The following GLG1 variants were observed in gnomAD, a reference collection of about 807,000 sequenced individuals.
GLG1 encodes the protein Golgi apparatus protein 1.
In GLG1, 38 loss-of-function variants were observed where a neutral mutation model predicts 160.5. That is an observed-to-expected ratio of 0.24 (90% CI 0.18 to 0.31). The LOEUF (loss-of-function observed/expected upper bound fraction) is 0.31. GLG1 is among the 10% of genes least tolerant of loss of function. The pLI, the probability that GLG1 is intolerant of heterozygous loss-of-function variation, is 1.00. For synonymous variants in GLG1, 644 were observed against 543.4 expected, an observed-to-expected ratio of 1.19 and a Z score of -2.57; for missense variants, 1,373 against 1,505.2, an observed-to-expected ratio of 0.91 and a Z score of 1.45.
At chr16:74,466,573 T>C (rs1295791565) in intron 18 of GLG1, among the ~76,000 whole-genome samples, 1 of 151,986 alleles carries the variant, frequency 6.6e-6, no homozygotes, top group African/African-American at 2.4e-5. Context: ...AGATGATAAA[T>C]AAAATGAACC....
chr16:74,449,522 G>A lies in GLG1; in HGVS notation c.*3645C>T, dbSNP rs1379945319. The A allele has an allele frequency of 2.6e-5, 4 of 152,210 alleles. No individual in the cohort carries two copies. Among genetic ancestry groups the A allele is most frequent in the African/African-American group, 9.6e-5 (4 of 41,462 alleles). 9.4% of individuals were successfully genotyped at this position (152,210 alleles called of 1,614,324 possible). ...TTCTGTTAGTTGATCTCAGGAAACA[G>A]AAACAAATGAAATCTGACAGTAACT... On this transcript the variant is annotated 3_prime_UTR_variant, in exon 26 of 26. Transcript: ENST00000422840.
chr16:74,502,270 A>G (rs1250916562), intron 4 of GLG1, among the ~76,000 whole-genome samples: 1 of 152,180 alleles, frequency 6.6e-6, no homozygotes, highest in Non-Finnish European at 1.5e-5. Flanking sequence ...TGCTGAGCAA[A>G]CAAATTCAGA....
chr16:74,542,570 G>A (rs995986002), intron 1 of GLG1, among the ~76,000 whole-genome samples: 1 of 151,028 alleles, frequency 6.6e-6, no homozygotes, highest in Admixed American at 6.6e-5. Flanking sequence ...ACTTTGGGAG[G>A]CTGAGGCAGG....
intron 17 of GLG1, 143 bp from the exon 18 acceptor site, chr16:74,467,991 G>T: frequency 1.7e-6 from 1 of 582,732 alleles, no homozygotes; most frequent in Non-Finnish European, 3.0e-6. Context: ...AGAGAATCAG[G>T]CTTTACTTTC....
chr16:74,524,741 A>G (rs2017284064), intron 2 of GLG1, among the ~76,000 whole-genome samples: 1 of 152,224 alleles, frequency 6.6e-6, no homozygotes, highest in Non-Finnish European at 1.5e-5. Flanking sequence ...CTGTTGAGAT[A>G]GAATTTACAT....
chr16:74,575,189 T>C (rs1278365396), intron 1 of GLG1, among the ~76,000 whole-genome samples: 2 of 151,676 alleles, frequency 1.3e-5, no homozygotes, highest in Non-Finnish European at 2.9e-5. Context: ...GAGGCTGTAG[T>C]GAGCTGAGAT....
chr16:74,460,006 C>T (rs1207603077), intron 22 of GLG1, among the ~76,000 whole-genome samples: 1 of 150,170 alleles, frequency 6.7e-6, no homozygotes, highest in African/African-American at 2.5e-5. Context: ...CAGGCGCGTG[C>T]TACCATGCCT....
intron 1 of GLG1, among the ~76,000 whole-genome samples, chr16:74,585,165 T>C (rs980544645): frequency 3.3e-5 from 5 of 152,180 alleles, no homozygotes; most frequent in Middle Eastern, 3.4e-3. Flanking sequence ...CCCAGCACTG[T>C]GGAAGGCCAA....
At chr16:74,529,284 T>C (rs1168910530) in intron 2 of GLG1, among the ~76,000 whole-genome samples, 1 of 152,156 alleles carries the variant, frequency 6.6e-6, no homozygotes, top group South Asian at 2.1e-4. Flanking sequence ...TCTGTTTTTA[T>C]GTCCACTAAA....
At chr16:74,459,409 C>T (rs971905135) in intron 23 of GLG1, among the ~76,000 whole-genome samples, 3 of 152,096 alleles carry the variant, frequency 2.0e-5, no homozygotes, top group Non-Finnish European at 2.9e-5. Flanking sequence ...ACCCGGGAGG[C>T]AGAGGTTGCA....
At position 74,461,896 on chromosome 16, in the gene GLG1, G is replaced by A. The variant is rs1597222805; in HGVS notation, c.3036+198C>T. 37 of 512,334 alleles carry A rather than the reference G, an allele frequency of 7.2e-5. No homozygotes were observed. The East Asian group carries it at 1.1e-3, about 15-fold the overall frequency. The allele number at this position is 512,334 out of a possible 1,614,324, so 31.7% of individuals were successfully genotyped here. Reference sequence around the variant, plus strand: ...GTTCAACAGAGAAATATGGAACAACGCTTTAGAGTGTCAGGACTAATGCCA... The same window carrying A: ...GTTCAACAGAGAAATATGGAACAACACTTTAGAGTGTCAGGACTAATGCCA... On this transcript the variant is annotated intron_variant, in intron 22 of 25. Coordinates refer to ENST00000422840, the MANE Select transcript of GLG1 (RefSeq NM_001145667.2).
chr16:74,467,712 C>T (rs2015049558), intron 18 of GLG1, 44 bp downstream of exon 18: 1 of 1,210,330 alleles, frequency 8.3e-7, no homozygotes, highest in Non-Finnish European at 1.2e-6. Context: ...TAAATATTAC[C>T]TTCACATTAC....
intron 3 of GLG1, among the ~76,000 whole-genome samples, chr16:74,506,929 C>A (rs2016633976): frequency 6.6e-6 from 1 of 152,086 alleles, no homozygotes; most frequent in African/African-American, 2.4e-5. Context: ...GTACCATGAG[C>A]AAAATGCTGC....
intron 16 of GLG1, chr16:74,469,320 A>C: frequency 1.9e-6 from 1 of 521,184 alleles, no homozygotes; most frequent in Non-Finnish European, 3.5e-6. Flanking sequence ...ACATGTGTGC[A>C]ACGACAGTTC....
intron 2 of GLG1, among the ~76,000 whole-genome samples, chr16:74,525,500 T>G (rs1373005584): frequency 2.0e-5 from 3 of 151,758 alleles, no homozygotes; most frequent in African/African-American, 4.8e-5. Context: ...CTCCGTATGT[T>G]GCCCAGGTTG....
At chr16:74,573,753 G>A (rs2018905799) in intron 1 of GLG1, among the ~76,000 whole-genome samples, 2 of 150,922 alleles carry the variant, frequency 1.3e-5, no homozygotes, top group South Asian at 4.2e-4. Flanking sequence ...CTCCCAAAGA[G>A]CTGGGATTAC....
At chr16:74,488,071 T>G (rs1458626721) in intron 8 of GLG1, among the ~76,000 whole-genome samples, 2 of 152,140 alleles carry the variant, frequency 1.3e-5, no homozygotes, top group Non-Finnish European at 2.9e-5. Context: ...AGTTCATGAT[T>G]ATGGTGCATT....
rs2014352247 is a variant in GLG1 at position 74,452,468 on chromosome 16, A to G, written c.*699T>C. 9.3e-7 allele frequency: 1 copy of G among 1,077,282 alleles called. No individual in the cohort carries two copies. Among genetic ancestry groups the G allele is most frequent in the Admixed American group, 4.4e-5 (1 of 22,780 alleles). 66.7% of individuals were successfully genotyped at this position (1,077,282 alleles called of 1,614,324 possible). On this transcript the variant is annotated 3_prime_UTR_variant, in exon 26 of 26. Transcript: ENST00000422840. ...GCTCATGCTTTGCTTCAATGAAGCG[A>G]GGAGACCACAGAAATACCCATGGCT...
intron 15 of GLG1, 62 bp downstream of exon 15, chr16:74,471,111 G>A (rs1045002991): frequency 5.5e-6 from 5 of 912,356 alleles, no homozygotes; most frequent in Non-Finnish European, 7.4e-6. Context: ...TCCAAAAAAG[G>A]AAAGGATTCA....
Sources: gnomAD v4.1 joint callset for allele counts (sites outside exome capture counted in the v4.1 genomes callset) on GRCh38, gnomAD v4.1.1 for gene constraint, MANE v1.5 for transcripts, NCBI Gene and HGNC (gene_info 2026-07-23, HGNC 2026-07-21) for gene names.